The following CDYL variants were observed in gnomAD, a reference collection of about 807,000 sequenced individuals.
The protein encoded by CDYL is chromodomain Y-like protein.
Under a neutral mutation model 47.3 loss-of-function variants are expected in CDYL, and 8 were observed. That is an observed-to-expected ratio of 0.17 (90% CI 0.10 to 0.31). The LOEUF (loss-of-function observed/expected upper bound fraction) is 0.31, where lower values mean the gene tolerates loss of function less well. Among genes scored for constraint, CDYL ranks in the 10% least tolerant of loss-of-function variants. The pLI, the probability that CDYL is intolerant of heterozygous loss-of-function variation, is 1.00. For synonymous variants in CDYL, 266 were observed against 265.0 expected (o/e 1.00, Z -0.04); for missense variants, 471 against 701.4 (o/e 0.67, Z 3.71).
chr6:4,895,380 T>C (rs1581244567), intron 2 of CDYL, among the ~76,000 whole-genome samples: 1 of 72,216 alleles, frequency 1.4e-5, no homozygotes, highest in African/African-American at 5.7e-5. Flanking sequence ...CATGTATGTA[T>C]ATATGTGCAT....
At chr6:4,844,137 G>A (rs1426474878) in intron 1 of CDYL, among the ~76,000 whole-genome samples, 2 of 152,172 alleles carry the variant, frequency 1.3e-5, no homozygotes, top group Non-Finnish European at 2.9e-5. Flanking sequence ...CGGGCTCTGG[G>A]CTGGTACTCG....
At chr6:4,776,042 C>T (rs1166672525), upstream of CDYL, among the ~76,000 whole-genome samples, 3 of 150,502 alleles carry the variant, frequency 2.0e-5, no homozygotes, top group South Asian at 2.1e-4. Flanking sequence ...GGTCCAGGTC[C>T]CGCCTGCCCT....
intron 3 of CDYL, among the ~76,000 whole-genome samples, chr6:4,768,176 C>T (rs980387799): frequency 1.3e-5 from 2 of 152,230 alleles, no homozygotes; most frequent in Admixed American, 6.5e-5. Flanking sequence ...ATTTCCAATG[C>T]CCTCTTCACC....
chr6:4,886,694 A>G (rs190709222), intron 1 of CDYL, among the ~76,000 whole-genome samples: 1 of 152,048 alleles, frequency 6.6e-6, no homozygotes, highest in African/African-American at 2.4e-5. Flanking sequence ...TTGAAGCACA[A>G]AAGTTTTTAA....
chr6:4,776,840 CCCGCCCGCCGCCCCTCCCGG>C (rs1758469748), intron 1 of CDYL, 33 bp downstream of exon 1: 4 of 828,204 alleles, frequency 4.8e-6, no homozygotes, highest in Non-Finnish European at 5.8e-6. Flanking sequence ...CGGGCCGCCC[CCCGCCCGCCGCCCCTCCCGG>C]CCCGGCCGCG....
chr6:4,854,098 T>G (rs1356598361), intron 1 of CDYL, among the ~76,000 whole-genome samples: 1 of 152,148 alleles, frequency 6.6e-6, no homozygotes. Context: ...ACACACGGCC[T>G]CCTCCAGCAG....
intron 1 of CDYL, among the ~76,000 whole-genome samples, chr6:4,829,088 A>C (rs1188202061): frequency 6.6e-6 from 1 of 152,014 alleles, no homozygotes; most frequent in Non-Finnish European, 1.5e-5. Flanking sequence ...GGTTTCTGTC[A>C]ATTATTTTAT....
chr6:4,871,824 A>G (rs1761483025), intron 1 of CDYL, among the ~76,000 whole-genome samples: 4 of 152,272 alleles, frequency 2.6e-5, no homozygotes, highest in South Asian at 2.1e-4. Flanking sequence ...TCTGATATTC[A>G]TGTTACGGCT....
chr6:4,763,102 G>A (rs368908623), intron 3 of CDYL, among the ~76,000 whole-genome samples: 20 of 152,122 alleles, frequency 1.3e-4, no homozygotes, highest in Non-Finnish European at 2.8e-4. Flanking sequence ...GGAAACAATT[G>A]AAAGTAGGAG....
chr6:4,733,779 CTCTT>C (rs1757651772), intron 2 of CDYL, among the ~76,000 whole-genome samples: 1 of 152,042 alleles, frequency 6.6e-6, no homozygotes, highest in African/African-American at 2.4e-5. Context: ...GGGCTGTTTG[CTCTT>C]TCTGCATTTT....
At chr6:4,824,533 A>G (rs974418240) in intron 1 of CDYL, among the ~76,000 whole-genome samples, 2 of 152,186 alleles carry the variant, frequency 1.3e-5, no homozygotes, top group African/African-American at 2.4e-5. Context: ...CTTTGGAGAA[A>G]TGTCTAGTCC....
intron 3 of CDYL, among the ~76,000 whole-genome samples, chr6:4,756,114 C>T (rs1380171438): frequency 6.6e-6 from 1 of 152,120 alleles, no homozygotes; most frequent in Non-Finnish European, 1.5e-5. Context: ...TAAATCTCTG[C>T]CCTCTCTTTC....
At chr6:4,762,983 A>C (rs990482204) in intron 3 of CDYL, among the ~76,000 whole-genome samples, 1 of 152,184 alleles carries the variant, frequency 6.6e-6, no homozygotes, top group African/African-American at 2.4e-5. Context: ...ACCTAAACAC[A>C]TCATAGTAAA....
chr6:4,726,603 A>C (rs1405478711), intron 2 of CDYL, among the ~76,000 whole-genome samples: 1 of 151,244 alleles, frequency 6.6e-6, no homozygotes, highest in African/African-American at 2.4e-5. Flanking sequence ...TGGGAGGCTG[A>C]GGCGAGAGGA....
At chr6:4,875,237 A>G (rs893203320) in intron 1 of CDYL, among the ~76,000 whole-genome samples, 3 of 152,138 alleles carry the variant, frequency 2.0e-5, no homozygotes, top group African/African-American at 4.8e-5. Context: ...GAATTTCGGT[A>G]TGGTGAGAGC....
At chr6:4,773,187 C>T (rs765366181), upstream of CDYL, 11 of 457,242 alleles carry the variant, frequency 2.4e-5, no homozygotes, top group Non-Finnish European at 4.4e-5. The surrounding 1 kb of genome is among the most constrained non-coding windows in gnomAD (Gnocchi z 4.6). Flanking sequence ...AGGTAAGAAT[C>T]GTTTATTGCT....
chr6:4,857,204 G>A (rs542067985), intron 1 of CDYL, among the ~76,000 whole-genome samples: 16 of 152,202 alleles, frequency 1.1e-4, no homozygotes, highest in African/African-American at 3.1e-4. Context: ...CAGTTCACTG[G>A]CATTAAATAC....
At chr6:4,918,970 G>C (rs184477501) in intron 2 of CDYL, among the ~76,000 whole-genome samples, 5 of 152,338 alleles carry the variant, frequency 3.3e-5, no homozygotes, top group Admixed American at 2.0e-4. Context: ...TAATCTATAA[G>C]TATGGGCCTT....
In CDYL at chr6:4,872,901, T is replaced by C. The variant is rs1271578477; in HGVS notation, c.25-18812T>C. The stretch of plus-strand genomic sequence containing the variant: ...CAGTGATTCCGATTCAGAACAGGAA[T>C]TTCTTTATGGCTTCTTCAAGCTTTC... On this transcript the variant is annotated intron_variant, in intron 1 of 6. Transcript: ENST00000397588. Among the ~76,000 whole-genome samples, 6 of 152,346 alleles carry C rather than the reference T, an allele frequency of 3.9e-5. No homozygotes were observed. The South Asian group carries it at 1.0e-3, about 26-fold the overall frequency.
Sources: allele counts gnomAD v4.1 joint callset (sites outside exome capture counted in the v4.1 genomes callset), GRCh38; gene constraint gnomAD v4.1.1; non-coding constraint Gnocchi (gnomAD v3.1); transcripts MANE v1.5; gene names NCBI Gene and HGNC (gene_info 2026-07-23, HGNC 2026-07-21).